The following MGAT4C variants were observed in gnomAD, a reference collection of about 807,000 sequenced individuals.
The protein encoded by MGAT4C is MGAT4 family member C.
A neutral mutation model predicts 40.1 loss-of-function variants in MGAT4C; 19 were observed. The ratio of observed to expected loss-of-function variants is 0.47; its 90% CI spans 0.33 to 0.70. The LOEUF (loss-of-function observed/expected upper bound fraction) is 0.70. Ranked by LOEUF, MGAT4C falls within the 30% of genes least tolerant of loss-of-function variation. The pLI is 0.02. For missense variants in MGAT4C, 491 were observed against 563.2 expected (o/e 0.87, Z 1.30); for synonymous variants, 181 against 187.1 (o/e 0.97, Z 0.27).
chr12:86,503,778 AGT>A (rs1958417464), intron 2 of MGAT4C, among the ~76,000 whole-genome samples: 1 of 22,562 alleles, frequency 4.4e-5, no homozygotes, highest in Non-Finnish European at 8.2e-5. Flanking sequence ...ATATATATAG[AGT>A]TCTGCTCATA....
intron 2 of MGAT4C, among the ~76,000 whole-genome samples, chr12:86,044,913 T>C (rs1418055400): frequency 6.6e-6 from 1 of 152,128 alleles, no homozygotes; most frequent in Non-Finnish European, 1.5e-5. Context: ...ATGGGTGTTG[T>C]GGTATCTCAG....
chr12:86,244,202 C>T (rs200379675), intron 1 of MGAT4C, among the ~76,000 whole-genome samples: 113 of 152,244 alleles, frequency 7.4e-4, no homozygotes, highest in Non-Finnish European at 1.2e-3. Context: ...TGATGCTGGG[C>T]GGTCATTTGC....
At chr12:86,110,280 T>TCTATATATATAGA (rs1565995829) in intron 1 of MGAT4C, among the ~76,000 whole-genome samples, 17 of 23,492 alleles carry the variant, frequency 7.2e-4, no homozygotes, top group African/African-American at 3.1e-3. Context: ...ATATATATAG[T>TCTATATATATAGA]CTATATATAT....
chr12:86,742,056 T>G (rs1423251500), intron 1 of MGAT4C, among the ~76,000 whole-genome samples: 1 of 151,436 alleles, frequency 6.6e-6, no homozygotes, highest in Non-Finnish European at 1.5e-5. Context: ...TATGGTTCTT[T>G]GTAGTTAATT....
intron 3 of MGAT4C, among the ~76,000 whole-genome samples, chr12:86,341,938 AT>A (rs753429661): frequency 9.2e-5 from 14 of 152,240 alleles, no homozygotes; most frequent in Non-Finnish European, 1.9e-4. Flanking sequence ...GCCTTTGAGC[AT>A]TGGAGTGCCT....
At chr12:86,690,921 A>C (rs1403814731) in intron 2 of MGAT4C, among the ~76,000 whole-genome samples, 4 of 152,196 alleles carry the variant, frequency 2.6e-5, no homozygotes, top group Non-Finnish European at 5.9e-5. Flanking sequence ...ACCTGTTTGC[A>C]TAAGTTTTAG....
intron 2 of MGAT4C, among the ~76,000 whole-genome samples, chr12:86,673,454 C>T (rs985922579): frequency 2.6e-5 from 4 of 152,222 alleles, no homozygotes; most frequent in African/African-American, 9.6e-5. Context: ...CGCAAGCGCA[C>T]ACACACACAT....
rs577847982 is a variant in MGAT4C at position 86,054,015 on chromosome 12, C to G, written c.-56-4292G>C. Among the ~76,000 whole-genome samples the G allele has an allele frequency of 2.0e-5, 3 of 151,980 alleles. No individual in the cohort carries two copies. In the South Asian group the frequency reaches 6.2e-4, roughly 32 times the overall value. On this transcript the variant is annotated intron_variant, in intron 1 of 4. Coordinates refer to ENST00000611864, the MANE Select transcript of MGAT4C (RefSeq NM_001351288.2). Reference sequence around the variant, plus strand: ...GTGGGGATGTAAATTAGTACAGCCGCTATGGAAAACAGTATGATAGTTTCT... The same window carrying G: ...GTGGGGATGTAAATTAGTACAGCCGGTATGGAAAACAGTATGATAGTTTCT...
chr12:86,732,271 C>G (rs1370944945), intron 1 of MGAT4C, among the ~76,000 whole-genome samples: 2 of 152,038 alleles, frequency 1.3e-5, no homozygotes, highest in Admixed American at 1.3e-4. Context: ...ACAACAGTAC[C>G]AATCTTTTTG....
At chr12:86,326,950 G>A (rs1359324556) in intron 4 of MGAT4C, among the ~76,000 whole-genome samples, 3 of 152,090 alleles carry the variant, frequency 2.0e-5, no homozygotes, top group Admixed American at 6.6e-5. Flanking sequence ...ATGTCAGGAA[G>A]CCTTTTATAT....
At chr12:86,494,622 T>TA (rs1057250649) in intron 2 of MGAT4C, among the ~76,000 whole-genome samples, 122 of 147,314 alleles carry the variant, frequency 8.3e-4, no homozygotes, top group African/African-American at 1.2e-3. Context: ...AGCAATCATT[T>TA]AAAAAAAAAA....
At chr12:86,076,720 G>A (rs369919234) in intron 1 of MGAT4C, among the ~76,000 whole-genome samples, 25 of 152,256 alleles carry the variant, frequency 1.6e-4, no homozygotes, top group Middle Eastern at 3.4e-3. Context: ...TCACCATCAT[G>A]AGAATAGCAT....
At chr12:86,025,123 C>T (rs981125550) in intron 2 of MGAT4C, among the ~76,000 whole-genome samples, 4 of 151,342 alleles carry the variant, frequency 2.6e-5, no homozygotes, top group African/African-American at 9.7e-5. Context: ...GATTTATTAC[C>T]AGGTCCCTAA....
At chr12:86,593,488 T>C (rs2136451095) in intron 2 of MGAT4C, among the ~76,000 whole-genome samples, 1 of 152,244 alleles carries the variant, frequency 6.6e-6, no homozygotes, top group South Asian at 2.1e-4. Flanking sequence ...GATCCTTCTT[T>C]TTCAATATAT....
intron 1 of MGAT4C, among the ~76,000 whole-genome samples, chr12:86,234,142 CCAT>C: frequency 6.6e-6 from 1 of 152,066 alleles, no homozygotes; most frequent in South Asian, 2.1e-4. Context: ...ATTGAAAAAG[CCAT>C]CTGGTTTAGT....
chr12:86,198,094 C>T (rs1263986670), intron 1 of MGAT4C, among the ~76,000 whole-genome samples: 1 of 152,094 alleles, frequency 6.6e-6, no homozygotes, highest in African/African-American at 2.4e-5. Flanking sequence ...TTAAATCATG[C>T]ATATTCAGAA....
intron 1 of MGAT4C, among the ~76,000 whole-genome samples, chr12:86,791,094 G>A (rs1952013504): frequency 6.6e-6 from 1 of 152,144 alleles, no homozygotes; most frequent in Non-Finnish European, 1.5e-5. Flanking sequence ...AAGGGGACAT[G>A]TAGGTGCTGA....
intron 1 of MGAT4C, among the ~76,000 whole-genome samples, chr12:86,174,013 G>A (rs1033352278): frequency 6.6e-6 from 1 of 151,550 alleles, no homozygotes; most frequent in Non-Finnish European, 1.5e-5. Context: ...ATAGAGAAAG[G>A]AAAATAGCCA....
intron 1 of MGAT4C, among the ~76,000 whole-genome samples, chr12:86,218,600 C>T (rs572351126): frequency 2.0e-5 from 3 of 151,966 alleles, no homozygotes; most frequent in South Asian, 2.1e-4. Flanking sequence ...GTATGATATT[C>T]GTAGAAATCT....
Sources: allele counts gnomAD v4.1 joint callset (sites outside exome capture counted in the v4.1 genomes callset), GRCh38; gene constraint gnomAD v4.1.1; transcripts MANE v1.5; gene names NCBI Gene and HGNC (gene_info 2026-07-23, HGNC 2026-07-21).